The following PTPRF variants were observed in gnomAD, a reference collection of about 807,000 sequenced individuals.
PTPRF encodes protein tyrosine phosphatase receptor type F, also known as receptor-type tyrosine-protein phosphatase F.
In PTPRF, 59 loss-of-function variants were observed where a neutral mutation model predicts 201.8. The ratio of observed to expected loss-of-function variants is 0.29; its 90% confidence interval spans 0.24 to 0.36. The LOEUF (loss-of-function observed/expected upper bound fraction) is 0.36. Ranked by LOEUF, PTPRF falls within the 10% of genes least tolerant of loss-of-function variation. The pLI is 1.00. For missense variants in PTPRF, 2,132 were observed against 2,690.5 expected (o/e 0.79, Z 4.59); for synonymous variants, 1,088 against 1,089.7 (o/e 1.00, Z 0.03).
At chr1:43,548,172 C>T (rs1192846207) in intron 3 of PTPRF, among the ~76,000 whole-genome samples, 5 of 151,972 alleles carry the variant, frequency 3.3e-5, no homozygotes, top group African/African-American at 4.8e-5. Flanking sequence ...ACGAATGTGG[C>T]TGGGCTTCTC....
rs1275299578 is a variant in PTPRF at position 43,588,522 on chromosome 1, A to G, written c.680-209A>G. Among the ~76,000 whole-genome samples the G allele has an allele frequency of 6.6e-6, 1 of 152,120 alleles. No homozygotes were observed. On this transcript the variant is annotated intron_variant, in intron 7 of 33. Coordinates refer to ENST00000359947, the MANE Select transcript of PTPRF (RefSeq NM_002840.5). The surrounding 1 kb of genome is among the most constrained non-coding windows in gnomAD (Gnocchi z 5.3). ...CATTGAGTAAGTCATCGTGCTCCAG[A>G]CAGTCCCTGAGTGTGGGGGCCACTT...
Position 43,560,250 on chromosome 1 carries a change from AGT to A in PTPRF, c.379+6322_379+6323del, listed in dbSNP as rs571191906. 1.0e-3 allele frequency among the ~76,000 whole-genome samples: 152 copies of A among 146,928 alleles called. 2 individuals carry two copies. In the South Asian group the frequency reaches 0.03, roughly 29 times the overall value. On this transcript the variant is annotated intron_variant, in intron 5 of 33. Transcript: ENST00000359947. ...CAGGCCGTGTGTGTGTGCAGCAGGC[AGT>A]GTGTGTGTGTGTACATGCGCACACG... is the stretch of plus-strand genomic sequence containing the variant.
chr1:43,560,160 G>A (rs923995083), intron 5 of PTPRF, among the ~76,000 whole-genome samples: 2 of 128,514 alleles, frequency 1.6e-5, no homozygotes, highest in Non-Finnish European at 3.3e-5. Context: ...GTGCATTTGT[G>A]TGCATGCAGC....
In PTPRF at chr1:43,588,843, G is replaced by A. The variant is rs1649864959; in HGVS notation, c.792G>A (p.Lys264=). The change falls in exon 8 of 34, where the codon AAG becomes AAA. Residue 264 remains lysine, a synonymous_variant. Coordinates refer to ENST00000359947, the MANE Select transcript of PTPRF (RefSeq NM_002840.5). The surrounding 1 kb of genome is among the most constrained non-coding windows in gnomAD (Gnocchi z 5.3). ...VAVGAPMPYV[K]WMMGAEELTK... ...TGGGTGCACCCATGCCCTACGTGAA[G>A]TGGATGATGGGGGCCGAGGAGCTCA... 1.2e-6 allele frequency: 2 copies of A among 1,614,054 alleles called. No individual in the cohort carries two copies. Among genetic ancestry groups the A allele is most frequent in the South Asian group, 1.1e-5 (1 of 91,090 alleles).
At chr1:43,555,866 C>T (rs568260688) in intron 5 of PTPRF, among the ~76,000 whole-genome samples, 65 of 152,278 alleles carry the variant, frequency 4.3e-4, no homozygotes, top group African/African-American at 1.5e-3. Context: ...AATAAGGTGC[C>T]ATACACGTCG....
chr1:43,605,773 G>A (rs1654950253), intron 19 of PTPRF, 151 bp downstream of exon 19: 2 of 745,120 alleles, frequency 2.7e-6, no homozygotes, highest in Non-Finnish European at 4.5e-6. Context: ...TCTGGAGAGA[G>A]GGACTCTGAG....
chr1:43,591,880 C>T lies in PTPRF; in HGVS notation c.1600C>T (p.Leu534=), dbSNP rs755587343. ...SDTRIQLSWL[L]PPQERIIMYE... ...CACCAGGATCCAGCTCTCGTGGCTG[C>T]TGCCCCCTCAGGAGCGGATCATCAT... is the stretch of plus-strand genomic sequence containing the variant. Residue 534 remains leucine (L), a synonymous_variant, in exon 10 of 34, where the codon CTG becomes TTG. Coordinates refer to ENST00000359947, the MANE Select transcript of PTPRF (RefSeq NM_002840.5). 6.2e-7 allele frequency: 1 copy of T among 1,613,146 alleles called. No individual in the cohort carries two copies. Among genetic ancestry groups the T allele is most frequent in the African/African-American group, 1.3e-5 (1 of 74,920 alleles).
At chr1:43,536,032 G>A (rs1269516083) in intron 1 of PTPRF, among the ~76,000 whole-genome samples, 2 of 152,222 alleles carry the variant, frequency 1.3e-5, no homozygotes, top group African/African-American at 4.8e-5. Context: ...GCCTCCCAAA[G>A]TGCCGGGATT....
intron 23 of PTPRF, among the ~76,000 whole-genome samples, chr1:43,615,823 C>T (rs1340835805): frequency 6.6e-6 from 1 of 152,104 alleles, no homozygotes; most frequent in Non-Finnish European, 1.5e-5. Flanking sequence ...ACCTTGGCCT[C>T]CCAAGTGCTG....
At chr1:43,598,573 C>T (rs1181960334) in intron 12 of PTPRF, 147 bp from the exon 13 acceptor site, 3 of 759,852 alleles carry the variant, frequency 3.9e-6, no homozygotes, top group Non-Finnish European at 6.3e-6. Context: ...CCGTGTGCCT[C>T]ACCAGGGACA....
intron 22 of PTPRF, among the ~76,000 whole-genome samples, chr1:43,611,414 G>T (rs990036750): frequency 6.6e-6 from 1 of 152,154 alleles, no homozygotes; most frequent in Admixed American, 6.5e-5. Context: ...TTGCATGTGC[G>T]TCAAATTATG....
intron 25 of PTPRF, among the ~76,000 whole-genome samples, chr1:43,618,412 A>G (rs77236314): frequency 0.13 from 19,684 of 152,188 alleles, 1,756 homozygotes; most frequent in African/African-American, 0.26. Flanking sequence ...ATAATTTTCA[A>G]TTATGACCCT....
intron 2 of PTPRF, 51 bp downstream of exon 2, chr1:43,538,328 T>C (rs1161385798): frequency 5.0e-6 from 2 of 398,682 alleles, no homozygotes; most frequent in Non-Finnish European, 8.8e-6. Flanking sequence ...AGGGGTCCTA[T>C]GGACCAGGCT....
In PTPRF at chr1:43,622,185, C is replaced by T. The variant is rs989487407; in HGVS notation, c.*182C>T. ...CACCAATCAGAGAGCCTAGAACATC[C>T]CTGGGCAAGTGGATGGCCCAGCAGG... On this transcript the variant is annotated 3_prime_UTR_variant, in exon 34 of 34. Transcript: ENST00000359947. 1 of 655,602 alleles carries T rather than the reference C, an allele frequency of 1.5e-6. No homozygotes were observed. The highest frequency in any genetic ancestry group is 1.8e-5 in the African/African-American group (1 of 55,510). The allele number at this position is 655,602 out of a possible 1,614,324, so 40.6% of individuals were successfully genotyped here. A position where few individuals can be genotyped will look rare whatever the true frequency, so the allele number is the denominator to read the frequency against.
chr1:43,585,550 T>TG (rs1407930585), intron 7 of PTPRF, among the ~76,000 whole-genome samples: 2 of 152,080 alleles, frequency 1.3e-5, no homozygotes, highest in African/African-American at 4.8e-5. Flanking sequence ...CTCACACTTA[T>TG]GCCTAGCCCC....
intron 13 of PTPRF, among the ~76,000 whole-genome samples, chr1:43,599,909 A>G (rs1453845567): frequency 6.6e-6 from 1 of 152,054 alleles, no homozygotes; most frequent in African/African-American, 2.4e-5. Flanking sequence ...AGGTCTCCCT[A>G]TCCAGGAGCA....
intron 2 of PTPRF, among the ~76,000 whole-genome samples, chr1:43,540,400 G>A (rs895823397): frequency 1.3e-5 from 2 of 152,138 alleles, no homozygotes; most frequent in Non-Finnish European, 2.9e-5. Context: ...TGAGTGCTGG[G>A]GCAGGAGAAG....
Position 43,620,240 on chromosome 1 carries a change from C to T in PTPRF, c.5238+19C>T. 1 of 1,613,130 alleles carries T rather than the reference C, an allele frequency of 6.2e-7. No homozygotes were observed. The highest frequency in any genetic ancestry group is 8.5e-7 in the Non-Finnish European group (1 of 1,179,446). On this transcript the variant is annotated intron_variant, in intron 30 of 33. Transcript: ENST00000359947. ...GGGCAGGGTGAGCCCACCCTTTCCC[C>T]CAGGGCCCCTGTCATACCTGGGAGA...
chr1:43,529,399 A>ACC (rs1643264540), upstream of PTPRF, among the ~76,000 whole-genome samples: 1 of 152,210 alleles, frequency 6.6e-6, no homozygotes, highest in East Asian at 1.9e-4. Context: ...CAGATCCCTG[A>ACC]ACACCACAGC....
Sources: gnomAD v4.1 joint callset for allele counts (sites outside exome capture counted in the v4.1 genomes callset) on GRCh38, gnomAD v4.1.1 for gene constraint, Gnocchi (gnomAD v3.1) non-coding constraint, MANE v1.5 for transcripts, NCBI Gene and HGNC (gene_info 2026-07-23, HGNC 2026-07-21) for gene names.